The following MAML3 variants were observed in gnomAD, a reference collection of about 807,000 sequenced individuals.
MAML3 encodes mastermind-like protein 3.
Under a neutral mutation model 101.9 loss-of-function variants are expected in MAML3, and 27 were observed. The observed-to-expected ratio is 0.27, with a 90% CI of 0.20 to 0.37. The LOEUF is 0.37. Ranked by LOEUF, MAML3 falls within the 10% of genes least tolerant of loss-of-function variation. MAML3 has a pLI of 1.00. For synonymous variants in MAML3, 501 were observed against 555.9 expected (o/e 0.90, Z 1.39); for missense variants, 1,316 against 1,444.9 (o/e 0.91, Z 1.45).
intron 1 of MAML3, among the ~76,000 whole-genome samples, chr4:139,938,661 C>G (rs1733548906): frequency 6.6e-6 from 1 of 152,162 alleles, no homozygotes; most frequent in African/African-American, 2.4e-5. Flanking sequence ...CTTCATTTTG[C>G]CTCAAGGGTT....
At chr4:140,096,557 G>A (rs913269099) in intron 1 of MAML3, among the ~76,000 whole-genome samples, 6 of 152,038 alleles carry the variant, frequency 3.9e-5, no homozygotes, top group African/African-American at 7.2e-5. Context: ...TAATCTATGC[G>A]ATCTCATTCC....
intron 2 of MAML3, among the ~76,000 whole-genome samples, chr4:139,781,558 A>G (rs940749934): frequency 2.3e-4 from 34 of 145,052 alleles, no homozygotes; most frequent in Admixed American, 1.5e-4. Context: ...CATTACGGCT[A>G]TTTTCTCTAC....
intron 2 of MAML3, among the ~76,000 whole-genome samples, chr4:139,742,348 C>T (rs956624528): frequency 6.6e-5 from 10 of 152,240 alleles, no homozygotes; most frequent in Admixed American, 3.3e-4. Flanking sequence ...AGGGTTTCAC[C>T]GTGTTGGCCA....
chr4:139,869,948 G>T (rs7683979), intron 2 of MAML3, among the ~76,000 whole-genome samples: 52,205 of 152,084 alleles, frequency 0.34, 9,585 homozygotes, highest in Non-Finnish European at 0.41. Context: ...AAGAGCTCAG[G>T]TTTGGATTCA....
chr4:139,820,224 T>A (rs1730952758), intron 2 of MAML3, among the ~76,000 whole-genome samples: 1 of 152,242 alleles, frequency 6.6e-6, no homozygotes, highest in Admixed American at 6.5e-5. Flanking sequence ...TATCTCTGCT[T>A]TTCTCTGAAA....
At chr4:140,018,893 CAAT>C (rs538246166) in intron 1 of MAML3, among the ~76,000 whole-genome samples, 1 of 151,242 alleles carries the variant, frequency 6.6e-6, no homozygotes, top group South Asian at 2.1e-4. Context: ...TCATAACTGA[CAAT>C]AAACTAGAAA....
At chr4:139,876,537 C>T (rs773917157) in intron 2 of MAML3, among the ~76,000 whole-genome samples, 24 of 152,224 alleles carry the variant, frequency 1.6e-4, no homozygotes, top group Non-Finnish European at 3.1e-4. Context: ...CCAGGGCCTT[C>T]AATCACCCTT....
At position 140,066,188 on chromosome 4, in the gene MAML3, T is replaced by C. The variant is rs1291894104; in HGVS notation, c.468+86672A>G. On this transcript the variant is annotated intron_variant, in intron 1 of 4. Coordinates refer to ENST00000509479, the MANE Select transcript of MAML3 (RefSeq NM_018717.5). ...TGGTGTGTATGAGAAGTGAATGAATTTGAGCAGCAAACAGACCTGAGTATG... is the reference window on the plus strand; with the variant it reads ...TGGTGTGTATGAGAAGTGAATGAATCTGAGCAGCAAACAGACCTGAGTATG... Among the ~76,000 whole-genome samples, 5 of 152,366 alleles carry C rather than the reference T, an allele frequency of 3.3e-5. No individual in the cohort carries two copies. The East Asian group carries it at 5.8e-4, about 18-fold the overall frequency.
chr4:139,791,667 G>C (rs1730417987), intron 2 of MAML3, among the ~76,000 whole-genome samples: 1 of 152,104 alleles, frequency 6.6e-6, no homozygotes, highest in Non-Finnish European at 1.5e-5. Flanking sequence ...AGTCAAAGCA[G>C]CTTTACTCAT....
chr4:139,887,545 A>G lies in MAML3; in HGVS notation c.2079+1812T>C, dbSNP rs143144606. On this transcript the variant is annotated intron_variant, in intron 2 of 4. Coordinates refer to ENST00000509479, the MANE Select transcript of MAML3 (RefSeq NM_018717.5). The stretch of plus-strand genomic sequence containing the variant: ...GCAGGCATAAGGACCTCAAAGAAGT[A>G]CCCTTAAAACTCATGTTCCCGCAAA... Among the ~76,000 whole-genome samples the G allele has an allele frequency of 1.2e-3, 180 of 152,336 alleles. No individual in the cohort carries two copies. In the Middle Eastern group the frequency reaches 0.037, roughly 32 times the overall value.
At chr4:139,725,905 C>A in intron 3 of MAML3, 70 bp from the exon 4 acceptor site, 1 of 1,295,938 alleles carries the variant, frequency 7.7e-7, no homozygotes, top group South Asian at 1.2e-5. Flanking sequence ...AATATCCCAG[C>A]AGTTCCGAGG....
chr4:140,115,174 T>C (rs2111016708), intron 1 of MAML3, among the ~76,000 whole-genome samples: 1 of 152,362 alleles, frequency 6.6e-6, no homozygotes, highest in East Asian at 1.9e-4. Context: ...TCATTACCTT[T>C]CTACTCAAAG....
At chr4:139,939,868 G>A (rs1457974914) in intron 1 of MAML3, among the ~76,000 whole-genome samples, 4 of 151,116 alleles carry the variant, frequency 2.6e-5, no homozygotes, top group Admixed American at 6.6e-5. Context: ...CGATTCAAGC[G>A]ATTCTCCTGC....
In MAML3 at chr4:139,890,225, G is replaced by A; in HGVS notation, c.1211C>T (p.Pro404Leu). The A allele has an allele frequency of 2.5e-6, 4 of 1,613,604 alleles. No individual in the cohort carries two copies. Among genetic ancestry groups the A allele is most frequent in the Non-Finnish European group, 3.4e-6 (4 of 1,179,898 alleles). ...LPSVASTPAA[P>L]NPASSPANCA... ...GTTTGCTGGTGAGCTTGCAGGGTTT[G>A]GAGCTGCGGGAGTGCTGGCAACAGA... is the stretch of plus-strand genomic sequence containing the variant. The change falls in exon 2 of 5, where the codon CCA becomes CTA. Residue 404 changes from proline (P) to leucine (L), a missense_variant. Pro to Leu is a moderately conservative substitution (Grantham distance 98). Transcript: ENST00000509479. This position sits in a 1 kb window ranked among gnomAD's most constrained non-coding sequence, Gnocchi z 4.1.
At chr4:140,087,215 A>T (rs1241937000) in intron 1 of MAML3, among the ~76,000 whole-genome samples, 1 of 152,158 alleles carries the variant, frequency 6.6e-6, no homozygotes, top group Non-Finnish European at 1.5e-5. Context: ...GAAATTTTCT[A>T]TTTTTTGTGT....
At chr4:140,093,416 G>C (rs71606874) in intron 1 of MAML3, among the ~76,000 whole-genome samples, 1 of 121,482 alleles carries the variant, frequency 8.2e-6, no homozygotes, top group Admixed American at 8.6e-5. Context: ...ATGTTTGTTT[G>C]TTTTTTTTTT....
intron 1 of MAML3, among the ~76,000 whole-genome samples, chr4:140,050,016 G>T (rs1215236435): frequency 6.6e-6 from 1 of 152,090 alleles, no homozygotes; most frequent in East Asian, 1.9e-4. Context: ...CTGCTAGAAA[G>T]ATTTTTTTTT....
At chr4:139,725,353 G>A (rs559967964) in intron 4 of MAML3, among the ~76,000 whole-genome samples, 5 of 152,290 alleles carry the variant, frequency 3.3e-5, no homozygotes, top group African/African-American at 1.2e-4. Flanking sequence ...CAAGATTTTT[G>A]CCCCTGTAGT....
At chr4:140,140,907 A>G (rs1262766859) in intron 1 of MAML3, among the ~76,000 whole-genome samples, 1 of 152,210 alleles carries the variant, frequency 6.6e-6, no homozygotes, top group Non-Finnish European at 1.5e-5. Context: ...ATCATAAAAC[A>G]GCAGGGCCTG....
Sources: allele counts gnomAD v4.1 joint callset (sites outside exome capture counted in the v4.1 genomes callset), GRCh38; gene constraint gnomAD v4.1.1; non-coding constraint Gnocchi (gnomAD v3.1); transcripts MANE v1.5; gene names NCBI Gene and HGNC (gene_info 2026-07-23, HGNC 2026-07-21).